NTHL1: variants seen among roughly 807,000 people sequenced by gnomAD.
NTHL1 encodes nth like DNA glycosylase 1.
In NTHL1, 32 loss-of-function variants were observed where a neutral mutation model predicts 32.3. The ratio of observed to expected loss-of-function variants is 0.99; its 90% CI spans 0.75 to 1.33. The LOEUF is 1.33. NTHL1 is among the 40% of genes most tolerant of loss of function. The pLI is 0.00. For missense variants in NTHL1, 501 were observed against 414.1 expected (o/e 1.21, Z -1.82); for synonymous variants, 188 against 176.9 (o/e 1.06, Z -0.50).
rs1485517752 is a variant in NTHL1, at chr16:2,044,933, G to C, written c.355-133C>G. The C allele has an allele frequency of 1.9e-5, 19 of 1,000,816 alleles. No individual in the cohort carries two copies. Among genetic ancestry groups the C allele is most frequent in the South Asian group, 3.4e-5 (2 of 59,676 alleles). The allele number at this position is 1,000,816 out of a possible 1,614,324, so 62.0% of individuals were successfully genotyped here. A position where few individuals can be genotyped will look rare whatever the true frequency, so the allele number is the denominator to read the frequency against. ...ACTTGAGGCATCAGCCTCCCCCTGT[G>C]GGGTGGGGAGGTCTGGTTTGGGTAT... On this transcript the variant is annotated intron_variant, in intron 2 of 5. Transcript: ENST00000651570. The surrounding 1 kb of genome is among the most constrained non-coding windows in gnomAD (Gnocchi z 5.0).
chr16:2,042,376 G>C, intron 4 of NTHL1, among the ~76,000 whole-genome samples: 1 of 152,164 alleles, frequency 6.6e-6, no homozygotes, highest in Admixed American at 6.5e-5. Context: ...GCCCTGCCCC[G>C]GCGCACCTGG....
rs3211978 is a variant in NTHL1 at position 2,043,350 on chromosome 16, G to A, written c.685+217C>T. On this transcript the variant is annotated intron_variant, in intron 4 of 5. Transcript: ENST00000651570. This position sits in a 1 kb window ranked among gnomAD's most constrained non-coding sequence, Gnocchi z 4.4. The stretch of plus-strand genomic sequence containing the variant: ...GAGTCCAGCTCCGGGGCCTCTCTCA[G>A]AGCCCTGCACGGAGCAGGTGCTCAG... 1.3e-5 allele frequency: 8 copies of A among 614,336 alleles called. No homozygotes were observed. In the Admixed American group the frequency reaches 2.4e-4, roughly 18 times the overall value. 38.1% of individuals were successfully genotyped at this position (614,336 alleles called of 1,614,324 possible).
rs755408736 is a variant in NTHL1 at position 2,043,827 on chromosome 16, C to T, written c.526-101G>A. On this transcript the variant is annotated intron_variant, in intron 3 of 5. Transcript: ENST00000651570. The surrounding 1 kb of genome is among the most constrained non-coding windows in gnomAD (Gnocchi z 4.4). ...CCACAGGTGGCCAGAGCTACCTGCACCTGCTGAGGACGTGTGCAAGCTCAG... is the reference window on the plus strand; with the variant it reads ...CCACAGGTGGCCAGAGCTACCTGCATCTGCTGAGGACGTGTGCAAGCTCAG... 1.3e-5 allele frequency: 18 copies of T among 1,377,114 alleles called. No homozygotes were observed. Among genetic ancestry groups the T allele is most frequent in the Non-Finnish European group, 1.7e-5 (17 of 987,922 alleles). 85.3% of individuals were successfully genotyped at this position (1,377,114 alleles called of 1,614,324 possible). A position where few individuals can be genotyped will look rare whatever the true frequency, so the allele number is the denominator to read the frequency against.
rs1255634978 is a variant in NTHL1, at chr16:2,043,646, C to T, written c.606G>A (p.Glu202=). The T allele has an allele frequency of 6.2e-7, 1 of 1,611,642 alleles. No homozygotes were observed. Among genetic ancestry groups the T allele is most frequent in the Non-Finnish European group, 8.5e-7 (1 of 1,179,988 alleles). The change falls in exon 4 of 6, where the codon GAG becomes GAA. Residue 202 remains glutamate, a synonymous_variant. Coordinates refer to ENST00000651570, the MANE Select transcript of NTHL1 (RefSeq NM_002528.7). The surrounding 1 kb of genome is among the most constrained non-coding windows in gnomAD (Gnocchi z 4.4). ...YGGDIPASVA[E]LVALPGVGPK... is the part of the protein sequence containing the mutation. The stretch of plus-strand genomic sequence containing the variant: ...GCCCAACACCCGGCAGCGCCACCAG[C>T]TCGGCCACAGAGGCTGGGATGTCCC...
chr16:2,042,005 G>A (rs2084273837), intron 4 of NTHL1: 1 of 455,540 alleles, frequency 2.2e-6, no homozygotes. Context: ...CACATACCTC[G>A]GCCTTCCAAA....
intron 1 of NTHL1, 41 bp from the exon 2 acceptor site, chr16:2,046,407 G>A (rs1264106613): frequency 3.8e-6 from 6 of 1,576,158 alleles, no homozygotes; most frequent in Middle Eastern, 1.7e-4. Context: ...GGGGCCACAG[G>A]TGAAGGTAGG....
In NTHL1 at chr16:2,039,876, T is replaced by A. The variant is rs2084234735; in HGVS notation, c.*48A>T. On this transcript the variant is annotated 3_prime_UTR_variant, in exon 6 of 6. Coordinates refer to ENST00000651570, the MANE Select transcript of NTHL1 (RefSeq NM_002528.7). Reference sequence around the variant, plus strand: ...GTGGCTTCCTGAAGCGTAAAGCCACTTCACAGACGGTGGCCACAGCGGCAC... The same window carrying A: ...GTGGCTTCCTGAAGCGTAAAGCCACATCACAGACGGTGGCCACAGCGGCAC... 6.3e-7 allele frequency: 1 copy of A among 1,597,208 alleles called. No homozygotes were observed.
rs2150938019 is a variant in NTHL1 at position 2,040,057 on chromosome 16, T to TGGGGGC, written c.792-16_792-11dup. ...CTCGTGCCACAGCTCCCTGTGGGGG[T>TGGGGGC]GGGGGCTGGGTCAGTGCTGACAGAG... On this transcript the variant is annotated splice_polypyrimidine_tract_variant and intron_variant, in intron 5 of 5. Coordinates refer to ENST00000651570, the MANE Select transcript of NTHL1 (RefSeq NM_002528.7). 6.2e-7 allele frequency: 1 copy of TGGGGGC among 1,611,382 alleles called. No homozygotes were observed. Among genetic ancestry groups the TGGGGGC allele is most frequent in the Non-Finnish European group, 8.5e-7 (1 of 1,179,730 alleles).
rs767225352 is a variant in NTHL1 at position 2,047,755 on chromosome 16, C to A, written c.69G>T (p.Gly23=). ...RSLGPGAGPR[G]CREEPGPLRR... ...GGAGAGGCCCGGGCTCCTCCCTACA[C>A]CCCCGCGGCCCAGCCCCGGGTCCCA... The change falls in exon 1 of 6, where the codon GGG becomes GGT. Residue 23 remains glycine (G), a synonymous_variant. Coordinates refer to ENST00000651570, the MANE Select transcript of NTHL1 (RefSeq NM_002528.7). 1.3e-6 allele frequency: 2 copies of A among 1,585,972 alleles called. No individual in the cohort carries two copies. Among genetic ancestry groups the A allele is most frequent in the African/African-American group, 2.7e-5 (2 of 74,532 alleles).
In NTHL1 at chr16:2,047,759, C is replaced by A. The variant is rs779612126; in HGVS notation, c.65G>T (p.Arg22Leu). The A allele has an allele frequency of 5.0e-6, 8 of 1,586,364 alleles. No homozygotes were observed. The highest frequency in any genetic ancestry group is 1.3e-5 in the African/African-American group (1 of 74,448). Reference protein sequence around the residue: ...SRSLGPGAGPRGCREEPGPLR... With the variant: ...SRSLGPGAGPLGCREEPGPLR... ...AGGCCCGGGCTCCTCCCTACACCCC[C>A]GCGGCCCAGCCCCGGGTCCCAGGCT... Residue 22 changes from arginine (R) to leucine (L), a missense_variant, in exon 1 of 6, where the codon CGG becomes CTG. Coordinates refer to ENST00000651570, the MANE Select transcript of NTHL1 (RefSeq NM_002528.7).
intron 4 of NTHL1, among the ~76,000 whole-genome samples, chr16:2,041,060 C>G (rs1469442849): frequency 6.6e-6 from 1 of 152,244 alleles, no homozygotes; most frequent in African/African-American, 2.4e-5. Context: ...CTTCTCCCAC[C>G]CGGTGGCCCC....
Position 2,044,628 on chromosome 16 carries a change from A to G in NTHL1, c.525+2T>C. 6.2e-7 allele frequency: 1 copy of G among 1,602,758 alleles called. No individual in the cohort carries two copies. Among genetic ancestry groups the G allele is most frequent in the Non-Finnish European group, 8.5e-7 (1 of 1,179,858 alleles). On this transcript the variant is annotated splice_donor_variant, in intron 3 of 5. Transcript: ENST00000651570. LOFTEE classifies it high-confidence loss of function. This position sits in a 1 kb window ranked among gnomAD's most constrained non-coding sequence, Gnocchi z 5.0. ...GCCCCCGTTGCCACAGGCAGGGCTC[A>G]CCCTCCAGAAACCGACGGGGTAGAT...
chr16:2,047,431 T>G, intron 1 of NTHL1: 2 of 519,062 alleles, frequency 3.9e-6, no homozygotes, highest in South Asian at 2.3e-5. Flanking sequence ...GAGCCTGGAG[T>G]GGAGAGTCCC....
At chr16:2,045,012 T>G (rs189311961) in intron 2 of NTHL1, among the ~76,000 whole-genome samples, 1 of 152,266 alleles carries the variant, frequency 6.6e-6, no homozygotes, top group East Asian at 1.9e-4. Context: ...ACTGGAGTAA[T>G]GTGAAGCTTA....
intron 4 of NTHL1, among the ~76,000 whole-genome samples, chr16:2,041,812 C>T (rs899985490): frequency 2.0e-5 from 3 of 152,088 alleles, no homozygotes. Context: ...GTTTCACCAT[C>T]TTAGCCTGGA....
rs919371501 is a variant in NTHL1, at chr16:2,044,086, C to A, written c.526-360G>T. Reference sequence around the variant, plus strand: ...GGAAGGAGGGCTGGAGCTGGGGCTTCCCCACCAGCTGCCAGGCCTGCCGGG... The same window carrying A: ...GGAAGGAGGGCTGGAGCTGGGGCTTACCCACCAGCTGCCAGGCCTGCCGGG... On this transcript the variant is annotated intron_variant, in intron 3 of 5. Transcript: ENST00000651570. This position sits in a 1 kb window ranked among gnomAD's most constrained non-coding sequence, Gnocchi z 5.0. 1.8e-5 allele frequency: 7 copies of A among 382,958 alleles called. No homozygotes were observed. In the Admixed American group the frequency reaches 2.0e-4, roughly 11 times the overall value. The allele number at this position is 382,958 out of a possible 1,614,324, so 23.7% of individuals were successfully genotyped here. A position where few individuals can be genotyped will look rare whatever the true frequency, so the allele number is the denominator to read the frequency against.
rs1177326558 is a variant in NTHL1 at position 2,046,310 on chromosome 16, C to A, written c.172G>T (p.Val58Leu). 8.1e-6 allele frequency: 13 copies of A among 1,612,636 alleles called. No homozygotes were observed. Among genetic ancestry groups the A allele is most frequent in the Non-Finnish European group, 1.0e-5 (12 of 1,179,492 alleles). Reference protein sequence around the residue: ...KRPRKAQRLRVAYEGSDSEKG... With the variant: ...KRPRKAQRLRLAYEGSDSEKG... ...TCACTGTCCGAGCCCTCATAGGCCA[C>A]ACGCAGTCTCTGTGCTTTCCGCGGA... Residue 58 changes from valine to leucine, a missense_variant, in exon 2 of 6, where the codon GTG becomes TTG. Val to Leu is a conservative substitution (Grantham distance 32, BLOSUM62 1). Transcript: ENST00000651570.
chr16:2,041,609 A>AT (rs112551427), intron 4 of NTHL1, among the ~76,000 whole-genome samples: 173 of 141,918 alleles, frequency 1.2e-3, no homozygotes, highest in Middle Eastern at 3.8e-3. Flanking sequence ...CGCCCGGCTA[A>AT]TTTTTTTTTT....
At chr16:2,040,497 C>G (rs944487206) in intron 4 of NTHL1, 2 of 564,328 alleles carry the variant, frequency 3.5e-6, no homozygotes, top group Non-Finnish European at 6.4e-6. Flanking sequence ...CTGGGCTGCC[C>G]ACTCCCAACA....
Sources: allele counts gnomAD v4.1 joint callset (sites outside exome capture counted in the v4.1 genomes callset), GRCh38; gene constraint gnomAD v4.1.1; non-coding constraint Gnocchi (gnomAD v3.1); transcripts MANE v1.5; gene names NCBI Gene and HGNC (gene_info 2026-07-23, HGNC 2026-07-21).